KDM5D: variants seen among roughly 807,000 people sequenced by gnomAD.
KDM5D encodes lysine-specific demethylase 5D.
KDM5D carries 25 observed loss-of-function variants against 31.9 expected under a neutral mutation model. That is an observed-to-expected ratio of 0.78 (90% CI 0.57 to 1.09). The LOEUF is 1.09. Ranked by LOEUF, KDM5D falls within the 50% of genes least tolerant of loss-of-function variation. The pLI, the probability that KDM5D is intolerant of heterozygous loss-of-function variation, is 0.00. For synonymous variants in KDM5D, 146 were observed against 122.3 expected (o/e 1.19, Z -1.28); for missense variants, 366 against 341.6 (o/e 1.07, Z -0.56).
In KDM5D at chrY:19,707,268, C is replaced by T. The variant is rs367572296; in HGVS notation, c.3878G>A (p.Arg1293Gln). ...LASEDVTALL[R>Q]QLAELRQQLQ... Reference sequence around the variant, plus strand: ...CTGTTGGCGAAGCTCAGCCAGCTGTCGCAACAGAGCAGTCACATCTTCAGA... The same window carrying T: ...CTGTTGGCGAAGCTCAGCCAGCTGTTGCAACAGAGCAGTCACATCTTCAGA... Residue 1293 changes from arginine (R) to glutamine (Q), a missense_variant, in exon 24 of 27, where the codon CGA becomes CAA. By Grantham distance (43) the Arg-to-Gln change is conservative (BLOSUM62 1). Transcript: ENST00000317961. 1.3e-5 allele frequency: 5 copies of T among 394,736 alleles called. No homozygotes were observed. The highest frequency in any genetic ancestry group is 1.4e-5 in the Non-Finnish European group (4 of 281,785).
intron 11 of KDM5D, among the ~76,000 whole-genome samples, chrY:19,724,655 A>G (rs2045416892): frequency 3.0e-5 from 1 of 33,832 alleles, no homozygotes; most frequent in Non-Finnish European, 7.3e-5. Flanking sequence ...GAAAACTGGC[A>G]TAAGACAAGG....
intron 2 of KDM5D, among the ~76,000 whole-genome samples, chrY:19,743,938 C>A: frequency 3.0e-5 from 1 of 33,368 alleles, no homozygotes; most frequent in East Asian, 7.8e-4. Context: ...GCAAAGGATG[C>A]CACATCACTC....
chrY:19,704,066 C>A lies in KDM5D; in HGVS notation c.*1929G>T. On this transcript the variant is annotated 3_prime_UTR_variant, in exon 27 of 27. Coordinates refer to ENST00000317961, the MANE Select transcript of KDM5D (RefSeq NM_004653.5). ...ATGTGCAAAAACTTAGTGCTGCATC[C>A]TTGTGTATGGTTTTAAAAAGTGTCA... The A allele has an allele frequency of 3.0e-5, 1 of 33,658 alleles. No homozygotes were observed. Among genetic ancestry groups the A allele is most frequent in the East Asian group, 7.8e-4 (1 of 1,280 alleles). 8.4% of individuals were successfully genotyped at this position (33,658 alleles called of 400,897 possible).
At chrY:19,724,895 A>T in intron 11 of KDM5D, among the ~76,000 whole-genome samples, 1 of 33,499 alleles carries the variant, frequency 3.0e-5, no homozygotes, top group East Asian at 7.9e-4. Flanking sequence ...CAAAATCACA[A>T]GCATCCCTAT....
At position 19,744,526 on chromosome Y, in the gene KDM5D, C is replaced by T; in HGVS notation, c.9G>A (p.Pro3=). The T allele has an allele frequency of 2.5e-6, 1 of 394,867 alleles. No homozygotes were observed. The highest frequency in any genetic ancestry group is 3.0e-5 in the South Asian group (1 of 33,417). ME[P]GCDEFLPPPE... ...GTGGCGGCAGGAACTCGTCACACCC[C>T]GGTTCCATGTCGGGCCTTAATGCTA... The change falls in exon 2 of 27, where the codon CCG becomes CCA. Residue 3 remains proline (P), a synonymous_variant. Transcript: ENST00000317961.
intron 8 of KDM5D, among the ~76,000 whole-genome samples, chrY:19,733,544 T>A: frequency 3.2e-5 from 1 of 31,542 alleles, no homozygotes; most frequent in Non-Finnish European, 7.6e-5. Context: ...TATGCACGCA[T>A]ATACACACAT....
intron 11 of KDM5D, among the ~76,000 whole-genome samples, chrY:19,730,251 C>T (rs977451965): frequency 4.5e-4 from 15 of 33,367 alleles, no homozygotes; most frequent in Non-Finnish European, 9.7e-4. Flanking sequence ...TCAAACACTA[C>T]ACTTTTTTTT....
intron 19 of KDM5D, chrY:19,710,085 A>T: frequency 1.1e-5 from 4 of 359,270 alleles, no homozygotes; most frequent in Non-Finnish European, 1.5e-5. Context: ...TGGTGTCTGG[A>T]GGGAAATCAA....
At chrY:19,714,822 T>C (rs2045322550) in intron 18 of KDM5D, among the ~76,000 whole-genome samples, 1 of 33,519 alleles carries the variant, frequency 3.0e-5, no homozygotes, top group South Asian at 6.7e-4. Context: ...TACTTTTCAA[T>C]CTAAAAACTA....
chrY:19,709,428 G>A, intron 20 of KDM5D, 23 bp downstream of exon 20: 1 of 397,712 alleles, frequency 2.5e-6, no homozygotes, highest in Non-Finnish European at 3.5e-6. Context: ...TCAAGATACA[G>A]ACAGGGAGAG....
chrY:19,742,084 T>C, intron 3 of KDM5D, among the ~76,000 whole-genome samples: 1 of 33,583 alleles, frequency 3.0e-5, no homozygotes, highest in African/African-American at 1.2e-4. Flanking sequence ...ATCAACATCA[T>C]GTCTAAATTT....
chrY:19,741,884 T>C (rs2045555975), intron 3 of KDM5D, 27 bp from the exon 4 acceptor site: 1 of 366,931 alleles, frequency 2.7e-6, no homozygotes. Context: ...CTTATAAGAT[T>C]GGCATACTCC....
rs750324627 is a variant in KDM5D at position 19,715,628 on chromosome Y, A to G, written c.2325T>C (p.Asp775=). The stretch of plus-strand genomic sequence containing the variant: ...CCTGTCACTCACTGCGTTTACGGCC[A>G]TCCTCCACCTCCAAGGCCACTCGCA... ...NKVRVALEVE[D]GRKRSFEELR... is the part of the protein sequence containing the mutation. The change falls in exon 17 of 27, where the codon GAT becomes GAC. Residue 775 remains aspartate, a synonymous_variant. Transcript: ENST00000317961. 5 of 396,734 alleles carry G rather than the reference A, an allele frequency of 1.3e-5. No homozygotes were observed. The African/African-American group carries it at 3.2e-4, about 26-fold the overall frequency.
intron 11 of KDM5D, among the ~76,000 whole-genome samples, chrY:19,723,792 T>C: frequency 3.0e-5 from 1 of 33,634 alleles, no homozygotes; most frequent in Non-Finnish European, 7.4e-5. Flanking sequence ...CAAGAGGAAA[T>C]GCAACAAAAA....
rs2045218405 is a variant in KDM5D, at chrY:19,704,956, C to CT, written c.*1038dup. ...AATCAGATTTAGGACACAAAAGCTA[C>CT]TACATAATGAAAAAGAGAGCTGGTG... On this transcript the variant is annotated 3_prime_UTR_variant, in exon 27 of 27. Coordinates refer to ENST00000317961, the MANE Select transcript of KDM5D (RefSeq NM_004653.5). 4 of 33,594 alleles carry CT rather than the reference C, an allele frequency of 1.2e-4. No individual in the cohort carries two copies. The highest frequency in any genetic ancestry group is 4.6e-4 in the African/African-American group (4 of 8,641). The allele number at this position is 33,594 out of a possible 400,897, so 8.4% of individuals were successfully genotyped here.
At chrY:19,709,398 C>G in intron 20 of KDM5D, 53 bp downstream of exon 20, 3 of 391,225 alleles carry the variant, frequency 7.7e-6, no homozygotes, top group Non-Finnish European at 1.1e-5. Flanking sequence ...AGGGTCACCC[C>G]AAAACTTTGA....
At chrY:19,743,530 G>T (rs113065355) in intron 2 of KDM5D, among the ~76,000 whole-genome samples, 7 of 29,814 alleles carry the variant, frequency 2.3e-4, no homozygotes, top group African/African-American at 9.1e-4. Flanking sequence ...TCCAAGGAAT[G>T]ACGCACATCT....
At chrY:19,731,534 A>G in intron 11 of KDM5D, among the ~76,000 whole-genome samples, 2 of 33,359 alleles carry the variant, frequency 6.0e-5, no homozygotes, top group Non-Finnish European at 1.5e-4. Flanking sequence ...CTCTTCATTG[A>G]TAATATCAAG....
chrY:19,743,187 C>T lies in KDM5D; in HGVS notation c.203G>A (p.Arg68His). 2.6e-6 allele frequency: 1 copy of T among 390,722 alleles called. No individual in the cohort carries two copies. Among genetic ancestry groups the T allele is most frequent in the African/African-American group, 6.5e-5 (1 of 15,271 alleles). The stretch of plus-strand genomic sequence containing the variant: ...CTCCAGTTCATTTAGCCTTTGGACG[C>T]GAGGAGTAAATCTGAAATTGTCAAC... The part of the protein sequence containing the change: ...VEVDNFRFTP[R>H]VQRLNELEAQ... Residue 68 changes from arginine to histidine, a missense_variant, in exon 3 of 27, where the codon CGC becomes CAC. Coordinates refer to ENST00000317961, the MANE Select transcript of KDM5D (RefSeq NM_004653.5).
Sources: gnomAD v4.1 joint callset for allele counts (sites outside exome capture counted in the v4.1 genomes callset) on GRCh38, gnomAD v4.1.1 for gene constraint, MANE v1.5 for transcripts, NCBI Gene and HGNC (gene_info 2026-07-23, HGNC 2026-07-21) for gene names.